Variants in GPC6 observed in about 807,000 individuals in gnomAD.
GPC6 encodes the protein glypican 6, also known as glypican-6.
A neutral mutation model predicts 55.2 loss-of-function variants in GPC6; 14 were observed. The observed-to-expected ratio is 0.25, with a 90% CI of 0.17 to 0.40. GPC6 has a LOEUF of 0.40. GPC6 is among the 10% of genes least tolerant of loss of function. The probability of loss-of-function intolerance (pLI) is 1.00; values close to 1 mark genes in which losing one functional copy is unlikely to be tolerated. For missense variants in GPC6, 641 were observed against 708.5 expected (o/e 0.90, Z 1.08); for synonymous variants, 278 against 259.6 (o/e 1.07, Z -0.68).
chr13:94,328,036 A>G (rs1466867641), intron 6 of GPC6, among the ~76,000 whole-genome samples: 2 of 152,198 alleles, frequency 1.3e-5, no homozygotes, highest in African/African-American at 4.8e-5. Flanking sequence ...GAGATCGCCT[A>G]CAAAGCCAAC....
chr13:94,257,998 T>G (rs529094091), intron 4 of GPC6, among the ~76,000 whole-genome samples: 3 of 152,346 alleles, frequency 2.0e-5, no homozygotes, highest in African/African-American at 7.2e-5. Flanking sequence ...ATAGTTGGGT[T>G]ATTGCAAAGA....
At chr13:94,192,859 G>A (rs1289261286) in intron 4 of GPC6, among the ~76,000 whole-genome samples, 1 of 152,132 alleles carries the variant, frequency 6.6e-6, no homozygotes, top group East Asian at 1.9e-4. Flanking sequence ...CAGGTCCCTG[G>A]TAGAGACATG....
intron 6 of GPC6, among the ~76,000 whole-genome samples, chr13:94,346,793 CAG>C (rs1488365972): frequency 1.3e-5 from 2 of 150,530 alleles, no homozygotes; most frequent in Non-Finnish European, 2.9e-5. Context: ...ACCATGGAGA[CAG>C]GGGGAGGTCT....
intron 2 of GPC6, among the ~76,000 whole-genome samples, chr13:93,674,968 C>A (rs1249158841): frequency 2.0e-5 from 3 of 152,108 alleles, no homozygotes; most frequent in Non-Finnish European, 4.4e-5. Flanking sequence ...TCTTCCCCAC[C>A]TAATCAAAAC....
At chr13:93,607,272 G>T (rs1437688050) in intron 2 of GPC6, among the ~76,000 whole-genome samples, 1 of 152,124 alleles carries the variant, frequency 6.6e-6, no homozygotes, top group African/African-American at 2.4e-5. Context: ...TTCACAATTT[G>T]CTTTGGGAGC....
At chr13:94,064,285 G>A (rs1884440159) in intron 4 of GPC6, among the ~76,000 whole-genome samples, 2 of 152,284 alleles carry the variant, frequency 1.3e-5, no homozygotes, top group African/African-American at 4.8e-5. Context: ...TAGCCTGTTA[G>A]AGGAATGTAA....
intron 3 of GPC6, among the ~76,000 whole-genome samples, chr13:93,847,124 C>A (rs553122878): frequency 6.6e-6 from 1 of 152,020 alleles, no homozygotes; most frequent in Non-Finnish European, 1.5e-5. Context: ...TTTGTTCTTG[C>A]CATTGCCTCA....
intron 3 of GPC6, among the ~76,000 whole-genome samples, chr13:93,997,959 A>G (rs1333774731): frequency 2.0e-5 from 3 of 152,204 alleles, no homozygotes; most frequent in African/African-American, 4.8e-5. Flanking sequence ...GTTCTGTGTT[A>G]GACTTTAACA....
chr13:94,378,110 T>C (rs1379452260), intron 6 of GPC6, among the ~76,000 whole-genome samples: 1 of 152,136 alleles, frequency 6.6e-6, no homozygotes, highest in East Asian at 1.9e-4. Context: ...GACGAGTTAG[T>C]GGGTGCAGTG....
rs535353821 is a variant in GPC6, at chr13:93,484,940, AT to A, written c.161-60321del. Among the ~76,000 whole-genome samples the A allele has an allele frequency of 1.2e-4, 18 of 152,354 alleles. No homozygotes were observed. The South Asian group carries it at 3.7e-3, about 32-fold the overall frequency. On this transcript the variant is annotated intron_variant, in intron 1 of 8. Coordinates refer to ENST00000377047, the MANE Select transcript of GPC6 (RefSeq NM_005708.5). The stretch of plus-strand genomic sequence containing the variant: ...GAGTTATTCTTCAATAAATAAATAC[AT>A]TAAAATATACATACAGCATATGTAA...
intron 3 of GPC6, among the ~76,000 whole-genome samples, chr13:93,912,969 C>G (rs556910981): frequency 6.6e-6 from 1 of 152,174 alleles, no homozygotes; most frequent in African/African-American, 2.4e-5. Flanking sequence ...GTCTCTGTGT[C>G]GATTCTTCTT....
At chr13:94,287,294 G>A (rs912137053) in intron 5 of GPC6, among the ~76,000 whole-genome samples, 3 of 152,130 alleles carry the variant, frequency 2.0e-5, no homozygotes, top group East Asian at 1.9e-4. Flanking sequence ...CCCAGTGACC[G>A]AGTGATTGCA....
At chr13:93,788,307 G>A (rs917591882) in intron 2 of GPC6, among the ~76,000 whole-genome samples, 4 of 152,006 alleles carry the variant, frequency 2.6e-5, no homozygotes, top group Admixed American at 6.6e-5. Context: ...GTCCAGTGCT[G>A]TATGAAGCCT....
chr13:94,176,024 C>T (rs1456788955), intron 4 of GPC6, among the ~76,000 whole-genome samples: 1 of 147,484 alleles, frequency 6.8e-6, no homozygotes, highest in Non-Finnish European at 1.5e-5. Flanking sequence ...TTTTTTAATT[C>T]ACCACTTTTA....
intron 4 of GPC6, among the ~76,000 whole-genome samples, chr13:94,163,764 G>A (rs1474840859): frequency 6.6e-6 from 1 of 152,140 alleles, no homozygotes; most frequent in South Asian, 2.1e-4. Flanking sequence ...ACTTCACACC[G>A]AGCCTTGGAA....
At chr13:94,373,582 G>A (rs998545198) in intron 6 of GPC6, among the ~76,000 whole-genome samples, 9 of 152,098 alleles carry the variant, frequency 5.9e-5, no homozygotes, top group South Asian at 4.1e-4. Flanking sequence ...CCAAATCTAC[G>A]TCTGATTGGC....
intron 1 of GPC6, among the ~76,000 whole-genome samples, chr13:93,531,185 GTGT>G (rs1267428442): frequency 1.3e-5 from 2 of 151,936 alleles, no homozygotes; most frequent in South Asian, 2.1e-4. Context: ...GGAGTCCCAA[GTGT>G]CTGTATCAGC....
intron 2 of GPC6, among the ~76,000 whole-genome samples, chr13:93,649,963 T>C (rs996345800): frequency 6.6e-6 from 1 of 152,192 alleles, no homozygotes; most frequent in African/African-American, 2.4e-5. Flanking sequence ...TATAATATTC[T>C]TCAAATAAAA....
At chr13:93,737,185 A>G in intron 2 of GPC6, among the ~76,000 whole-genome samples, 1 of 152,202 alleles carries the variant, frequency 6.6e-6, no homozygotes, top group East Asian at 1.9e-4. Flanking sequence ...TAAGTTGAAC[A>G]AACAACTATT....
Sources: gnomAD v4.1 joint callset for allele counts (sites outside exome capture counted in the v4.1 genomes callset) on GRCh38, gnomAD v4.1.1 for gene constraint, MANE v1.5 for transcripts, NCBI Gene and HGNC (gene_info 2026-07-23, HGNC 2026-07-21) for gene names.